DMBT1: variants seen among roughly 807,000 people sequenced by gnomAD.
DMBT1 encodes deleted in malignant brain tumors 1.
DMBT1 carries 198 observed loss-of-function variants against 252.9 expected under a neutral mutation model. That is an observed-to-expected ratio of 0.78 (90% CI 0.70 to 0.88). The LOEUF is 0.88. DMBT1 is among the 40% of genes least tolerant of loss of function. The pLI is 0.00. For missense variants in DMBT1, 2,432 were observed against 2,404.7 expected (o/e 1.01, Z -0.24); for synonymous variants, 990 against 942.7 (o/e 1.05, Z -0.92).
chr10:122,590,175 A>G (rs984521432), intron 17 of DMBT1, among the ~76,000 whole-genome samples: 1 of 148,736 alleles, frequency 6.7e-6, no homozygotes, highest in Non-Finnish European at 1.5e-5. Context: ...GTGTCTGTCC[A>G]AGTCTGGCCT....
intron 53 of DMBT1, 120 bp downstream of exon 53, chr10:122,636,319 T>C: frequency 1.1e-6 from 1 of 927,502 alleles, no homozygotes; most frequent in African/African-American, 1.7e-5. Flanking sequence ...CACCAGGGCT[T>C]GATTTTCAGC....
chr10:122,571,836 G>A (rs776501736), intron 4 of DMBT1, among the ~76,000 whole-genome samples: 1 of 152,226 alleles, frequency 6.6e-6, no homozygotes, highest in Non-Finnish European at 1.5e-5. Flanking sequence ...CCCCAAGGGG[G>A]CATCGTCCTC....
At chr10:122,619,225 G>T (rs2098036294) in intron 41 of DMBT1, 83 bp from the exon 42 acceptor site, 18 of 1,563,740 alleles carry the variant, frequency 1.2e-5, no homozygotes, top group Non-Finnish European at 1.5e-5. Flanking sequence ...TGTCAGGCTT[G>T]CCCAGTTCCT....
intron 1 of DMBT1, among the ~76,000 whole-genome samples, chr10:122,561,916 T>C (rs1346521031): frequency 6.6e-6 from 1 of 151,498 alleles, no homozygotes; most frequent in African/African-American, 2.4e-5. Context: ...TCTCTGTCTC[T>C]CTTTCTCTTC....
intron 54 of DMBT1, among the ~76,000 whole-genome samples, 163 bp from the exon 55 acceptor site, chr10:122,639,877 C>T (rs1374310369): frequency 6.6e-6 from 1 of 152,212 alleles, no homozygotes; most frequent in Non-Finnish European, 1.5e-5. Context: ...TGTGCTGGCT[C>T]ATAGCCAAAG....
Position 122,629,946 on chromosome 10 carries a change from A to T in DMBT1, c.5775A>T (p.Ile1925=). 1 of 1,614,046 alleles carries T rather than the reference A, an allele frequency of 6.2e-7. No individual in the cohort carries two copies. Among genetic ancestry groups the T allele is most frequent in the Non-Finnish European group, 8.5e-7 (1 of 1,179,908 alleles). ...YPNNAKCVWE[I]EVNSGYRINL... The stretch of plus-strand genomic sequence containing the variant: ...ACAATGCTAAGTGTGTTTGGGAAAT[A>T]GAAGTGAATTCTGGTTATCGCATAA... Residue 1925 remains isoleucine, a synonymous_variant, in exon 47 of 56, where the codon ATA becomes ATT. Transcript: ENST00000338354.
intron 46 of DMBT1, among the ~76,000 whole-genome samples, chr10:122,628,047 G>A (rs764924490): frequency 6.6e-6 from 1 of 152,192 alleles, no homozygotes; most frequent in African/African-American, 2.4e-5. Flanking sequence ...TGGAGAAATT[G>A]GAAACCTTAT....
chr10:122,564,562 C>A (rs370371398), intron 1 of DMBT1, among the ~76,000 whole-genome samples: 1 of 151,546 alleles, frequency 6.6e-6, no homozygotes. Flanking sequence ...TTAAACATAG[C>A]AGACCTTTTT....
At chr10:122,598,384 C>A (rs1352430742) in intron 25 of DMBT1, among the ~76,000 whole-genome samples, 1 of 152,184 alleles carries the variant, frequency 6.6e-6, no homozygotes, top group East Asian at 1.9e-4. Context: ...CTGGCCAAGG[C>A]CTTGTCATAC....
At chr10:122,571,774 A>C (rs2097665859) in intron 4 of DMBT1, among the ~76,000 whole-genome samples, 1 of 152,188 alleles carries the variant, frequency 6.6e-6, no homozygotes, top group Admixed American at 6.5e-5. Context: ...AACCCAGGCT[A>C]CCATGCCTGG....
chr10:122,577,954 C>T, intron 8 of DMBT1, 114 bp downstream of exon 8: 3 of 1,178,920 alleles, frequency 2.5e-6, no homozygotes, highest in Admixed American at 2.0e-5. Context: ...CATATTATTT[C>T]ACCCCCAACT....
At chr10:122,573,226 C>T (rs895491253) in intron 5 of DMBT1, among the ~76,000 whole-genome samples, 4 of 152,200 alleles carry the variant, frequency 2.6e-5, no homozygotes, top group African/African-American at 9.7e-5. Context: ...ACTGGGCTCC[C>T]CAAGGGGGCA....
intron 20 of DMBT1, among the ~76,000 whole-genome samples, chr10:122,593,069 G>A (rs2097862881): frequency 6.7e-6 from 1 of 148,696 alleles, no homozygotes; most frequent in African/African-American, 2.4e-5. Context: ...GGTGCAAATG[G>A]GTGTCTGGTT....
In DMBT1 at chr10:122,643,183, C is replaced by T. The variant is rs867500352; in HGVS notation, c.7414C>T (p.Arg2472Trp). The change falls in exon 56 of 56, where the codon CGG (arginine) becomes TGG (tryptophan). Residue 2472 changes from arginine to tryptophan, a missense_variant. Transcript: ENST00000338354. ...SSPSLRIARF[R>W]FRAFHFLNRF... is the part of the protein sequence containing the mutation. ...GCCATCTCTTCGCATTGCCCGCTTCCGGTTCAGGGCCTTCCACTTCCTGAA... is the reference window on the plus strand; with the variant it reads ...GCCATCTCTTCGCATTGCCCGCTTCTGGTTCAGGGCCTTCCACTTCCTGAA... 3.1e-6 allele frequency: 5 copies of T among 1,613,972 alleles called. No homozygotes were observed. The highest frequency in any genetic ancestry group is 3.3e-5 in the Admixed American group (2 of 60,018).
chr10:122,581,596 C>G (rs1211835685), intron 11 of DMBT1, among the ~76,000 whole-genome samples, 197 bp from the exon 12 acceptor site: 1 of 146,972 alleles, frequency 6.8e-6, no homozygotes, highest in Non-Finnish European at 1.5e-5. Flanking sequence ...ATGGAGGGCT[C>G]AGTCTGGTCT....
chr10:122,586,184 C>T lies in DMBT1; in HGVS notation c.1584C>T (p.Ala528=), dbSNP rs2097787764. The change falls in exon 16 of 56, where the codon GCC becomes GCT. Residue 528 remains alanine (A), a synonymous_variant. Transcript: ENST00000338354. ...ATGACAGCTGGGACACCAATGATGC[C>T]AATGTGGTCTGCAGGCAGCTGGGCT... ...VCDDSWDTND[A]NVVCRQLGCG... 3 of 1,589,126 alleles carry T rather than the reference C, an allele frequency of 1.9e-6. No homozygotes were observed. Among genetic ancestry groups the T allele is most frequent in the Non-Finnish European group, 2.6e-6 (3 of 1,166,130 alleles).
At chr10:122,632,413 G>A (rs900628794) in intron 50 of DMBT1, among the ~76,000 whole-genome samples, 1 of 151,968 alleles carries the variant, frequency 6.6e-6, no homozygotes, top group African/African-American at 2.4e-5. Context: ...AGCACAGCAT[G>A]ACTGCCAGGG....
intron 54 of DMBT1, among the ~76,000 whole-genome samples, chr10:122,639,425 T>A (rs1031317063): frequency 6.6e-6 from 1 of 150,900 alleles, no homozygotes; most frequent in Non-Finnish European, 1.5e-5. Flanking sequence ...GAGATAGGGG[T>A]GGGGCCGTTT....
intron 1 of DMBT1, among the ~76,000 whole-genome samples, chr10:122,563,527 C>T (rs1447214052): frequency 6.6e-6 from 1 of 151,222 alleles, no homozygotes; most frequent in African/African-American, 2.4e-5. Context: ...GCAGAGGTTG[C>T]CGTGAGCCGA....
Sources: gnomAD v4.1 joint callset for allele counts (sites outside exome capture counted in the v4.1 genomes callset) on GRCh38, gnomAD v4.1.1 for gene constraint, MANE v1.5 for transcripts, NCBI Gene and HGNC (gene_info 2026-07-23, HGNC 2026-07-21) for gene names.